EPM2A: variants seen among roughly 807,000 people sequenced by gnomAD.
The protein encoded by EPM2A is EPM2A glucan phosphatase, laforin.
EPM2A carries 21 observed loss-of-function variants against 26.5 expected under a neutral mutation model. That is an observed-to-expected ratio of 0.79 (90% CI 0.56 to 1.14). EPM2A has a LOEUF of 1.14. Ranked by LOEUF, EPM2A falls within the 50% of genes most tolerant of loss-of-function variation. The pLI, the probability that EPM2A is intolerant of heterozygous loss-of-function variation, is 0.00. For missense variants in EPM2A, 458 were observed against 440.8 expected (o/e 1.04, Z -0.35); for synonymous variants, 217 against 177.6 (o/e 1.22, Z -1.76).
At chr6:145,449,061 T>A (rs947871902) in intron 4 of EPM2A, among the ~76,000 whole-genome samples, 1 of 152,236 alleles carries the variant, frequency 6.6e-6, no homozygotes, top group Non-Finnish European at 1.5e-5. Context: ...TTTGCGGGCT[T>A]CATGTTTCAC....
chr6:145,625,215 G>T (rs908541456), downstream of EPM2A: 2 of 154,836 alleles, frequency 1.3e-5, no homozygotes, highest in African/African-American at 4.8e-5. Flanking sequence ...TAGCTCAGTG[G>T]ATTGCCCCCT....
intron 1 of EPM2A, among the ~76,000 whole-genome samples, chr6:145,719,150 C>T (rs1242640001): frequency 6.6e-6 from 1 of 151,732 alleles, no homozygotes; most frequent in Non-Finnish European, 1.5e-5. Context: ...ATAAATCATG[C>T]TGCTATAAAG....
intron 2 of EPM2A, among the ~76,000 whole-genome samples, chr6:145,645,167 A>G (rs1394950419): frequency 6.6e-6 from 1 of 152,204 alleles, no homozygotes; most frequent in African/African-American, 2.4e-5. Flanking sequence ...GAGCATACCT[A>G]GCTTCTATTG....
At chr6:145,412,322 A>G (rs377423200) in intron 4 of EPM2A, among the ~76,000 whole-genome samples, 171 of 152,282 alleles carry the variant, frequency 1.1e-3, no homozygotes, top group African/African-American at 3.8e-3. Context: ...ATAGTTGAAT[A>G]TCAAAGTACA....
At chr6:145,455,253 T>G (rs1425684233) in intron 4 of EPM2A, among the ~76,000 whole-genome samples, 2 of 151,962 alleles carry the variant, frequency 1.3e-5, no homozygotes, top group Non-Finnish European at 2.9e-5. Flanking sequence ...GTATATGAAT[T>G]TATATATTCA....
chr6:145,430,887 T>C (rs561149986), intron 4 of EPM2A, among the ~76,000 whole-genome samples: 1 of 152,278 alleles, frequency 6.6e-6, no homozygotes, highest in Admixed American at 6.5e-5. Context: ...AAGATGTTTT[T>C]CAGCAAAATA....
chr6:145,560,729 G>C (rs1253332131), intron 2 of EPM2A, among the ~76,000 whole-genome samples: 2 of 152,078 alleles, frequency 1.3e-5, no homozygotes, highest in Non-Finnish European at 2.9e-5. Flanking sequence ...TATATGAGGT[G>C]CTTATCTGCT....
intron 2 of EPM2A, among the ~76,000 whole-genome samples, chr6:145,668,301 C>T (rs1779384927): frequency 6.6e-6 from 1 of 151,764 alleles, no homozygotes; most frequent in South Asian, 2.1e-4. Context: ...ACATAATGGT[C>T]AAGATAATAA....
intron 4 of EPM2A, among the ~76,000 whole-genome samples, chr6:145,399,800 A>G (rs539369631): frequency 2.0e-5 from 3 of 152,260 alleles, no homozygotes; most frequent in Non-Finnish European, 4.4e-5. Context: ...AATAAACCAA[A>G]TGGTTACAAA....
chr6:145,558,100 T>A (rs1458920539), intron 2 of EPM2A, among the ~76,000 whole-genome samples: 1 of 152,156 alleles, frequency 6.6e-6, no homozygotes, highest in East Asian at 1.9e-4. Flanking sequence ...ATGACAGGAT[T>A]TCCTTCTTTA....
intron 2 of EPM2A, among the ~76,000 whole-genome samples, chr6:145,607,451 G>A (rs1190560027): frequency 1.3e-5 from 2 of 152,126 alleles, no homozygotes; most frequent in African/African-American, 4.8e-5. Flanking sequence ...ACAAGTCACT[G>A]CAAAGCTTTG....
chr6:145,527,810 C>G (rs1404285707), intron 2 of EPM2A, among the ~76,000 whole-genome samples: 1 of 152,120 alleles, frequency 6.6e-6, no homozygotes, highest in Non-Finnish European at 1.5e-5. Flanking sequence ...CAAATGATTA[C>G]GCCTAGTAAG....
chr6:145,573,780 G>A (rs543463676), intron 2 of EPM2A, among the ~76,000 whole-genome samples: 46 of 152,268 alleles, frequency 3.0e-4, no homozygotes, highest in Admixed American at 2.7e-3. Flanking sequence ...TGCTGGCACT[G>A]GAGAAATGAC....
intron 4 of EPM2A, among the ~76,000 whole-genome samples, chr6:145,409,064 GT>G (rs1277991358): frequency 6.6e-6 from 1 of 152,148 alleles, no homozygotes; most frequent in East Asian, 1.9e-4. Context: ...GAAATTAGAA[GT>G]GTTTATATCA....
chr6:145,552,818 C>A (rs773498314), intron 2 of EPM2A, among the ~76,000 whole-genome samples: 7 of 152,024 alleles, frequency 4.6e-5, no homozygotes, highest in Admixed American at 3.3e-4. Context: ...TTTTCTAGTC[C>A]AGCAAACATT....
chr6:145,435,532 TA>T (rs1365927854), intron 4 of EPM2A, among the ~76,000 whole-genome samples: 4 of 151,418 alleles, frequency 2.6e-5, no homozygotes, highest in African/African-American at 9.7e-5. Flanking sequence ...AAATAGGTTA[TA>T]AATTATAGGC....
At chr6:145,425,412 G>A (rs919195026) in intron 4 of EPM2A, among the ~76,000 whole-genome samples, 10 of 151,840 alleles carry the variant, frequency 6.6e-5, no homozygotes, top group African/African-American at 2.4e-4. Flanking sequence ...TGACCTCAAG[G>A]GACCCACCTG....
intron 4 of EPM2A, among the ~76,000 whole-genome samples, chr6:145,468,098 T>C (rs1779423762): frequency 6.6e-6 from 1 of 152,072 alleles, no homozygotes; most frequent in African/African-American, 2.4e-5. Context: ...TTTATATTTG[T>C]CTTTATGAAA....
At chr6:145,538,363 C>A (rs1780463064) in intron 2 of EPM2A, among the ~76,000 whole-genome samples, 1 of 152,038 alleles carries the variant, frequency 6.6e-6, no homozygotes, top group East Asian at 1.9e-4. Flanking sequence ...CTATGGAAAT[C>A]AACATGCCTG....
Sources: gnomAD v4.1 joint callset for allele counts (sites outside exome capture counted in the v4.1 genomes callset) on GRCh38, gnomAD v4.1.1 for gene constraint, MANE v1.5 for transcripts, NCBI Gene and HGNC (gene_info 2026-07-23, HGNC 2026-07-21) for gene names.